The following SEMA3E variants were observed in gnomAD, a reference collection of about 807,000 sequenced individuals.
SEMA3E encodes the protein semaphorin 3E.
A neutral mutation model predicts 93.6 loss-of-function variants in SEMA3E; 49 were observed. The ratio of observed to expected loss-of-function variants is 0.52; its 90% CI spans 0.42 to 0.66. SEMA3E has a LOEUF of 0.66. Among genes scored for constraint, SEMA3E ranks in the 30% least tolerant of loss-of-function variants. The pLI is 0.00. For synonymous variants in SEMA3E, 363 were observed against 330.7 expected, an observed-to-expected ratio of 1.10 and a Z score of -1.06; for missense variants, 906 against 964.8, an observed-to-expected ratio of 0.94 and a Z score of 0.81.
In SEMA3E at chr7:83,495,029, T is replaced by C. The variant is rs375804144; in HGVS notation, c.116-4755A>G. Among the ~76,000 whole-genome samples the C allele has an allele frequency of 2.0e-5, 3 of 152,018 alleles. No individual in the cohort carries two copies. In the East Asian group the frequency reaches 5.8e-4, roughly 29 times the overall value. On this transcript the variant is annotated intron_variant, in intron 1 of 16. Coordinates refer to ENST00000643230, the MANE Select transcript of SEMA3E (RefSeq NM_012431.3). Reference sequence around the variant, plus strand: ...CAACATGAAGCATGTTTCAATTCCATAGCAAACTTAGCCAGTCTGTCTTTA... The same window carrying C: ...CAACATGAAGCATGTTTCAATTCCACAGCAAACTTAGCCAGTCTGTCTTTA...
chr7:83,399,431 C>G (rs60057405), intron 11 of SEMA3E, among the ~76,000 whole-genome samples: 18,353 of 152,150 alleles, frequency 0.12, 1,225 homozygotes, highest in Non-Finnish European at 0.15. Context: ...CTGCTTGGTA[C>G]AAATGGTTGA....
chr7:83,544,243 G>A (rs1423807145), intron 1 of SEMA3E, among the ~76,000 whole-genome samples: 6 of 151,734 alleles, frequency 4.0e-5, no homozygotes, highest in East Asian at 1.9e-4. Flanking sequence ...TCCTTACTTC[G>A]CCATTTATTT....
chr7:83,616,839 C>T (rs1462915110), intron 1 of SEMA3E: 3 of 363,832 alleles, frequency 8.2e-6, no homozygotes, highest in African/African-American at 6.7e-5. Context: ...ATTCTCCTGC[C>T]TCAGCCTCCT....
intron 1 of SEMA3E, among the ~76,000 whole-genome samples, chr7:83,563,042 T>C (rs1472432269): frequency 6.6e-6 from 1 of 152,162 alleles, no homozygotes; most frequent in African/African-American, 2.4e-5. Context: ...ATTTACTCAT[T>C]CACTTCATTG....
At chr7:83,395,868 A>T (rs1273807771) in intron 12 of SEMA3E, among the ~76,000 whole-genome samples, 1 of 152,176 alleles carries the variant, frequency 6.6e-6, no homozygotes, top group Admixed American at 6.6e-5. Context: ...AGGTGTCTTT[A>T]AACACAAACA....
rs535701167 is a variant in SEMA3E, at chr7:83,435,102, T to C, written c.457-16619A>G. On this transcript the variant is annotated intron_variant, in intron 4 of 16. Coordinates refer to ENST00000643230, the MANE Select transcript of SEMA3E (RefSeq NM_012431.3). ...AAGTGTCCTTTTAGTCCATATTGTG[T>C]CCATTTAACAAACTAAATGTTAGAC... 5.9e-5 allele frequency among the ~76,000 whole-genome samples: 9 copies of C among 152,344 alleles called. No individual in the cohort carries two copies. In the South Asian group the frequency reaches 1.7e-3, roughly 28 times the overall value.
intron 1 of SEMA3E, among the ~76,000 whole-genome samples, chr7:83,538,933 T>G: frequency 6.6e-6 from 1 of 152,226 alleles, no homozygotes; most frequent in East Asian, 1.9e-4. Flanking sequence ...TGTTGGAGAC[T>G]TAATTTCCTG....
intron 1 of SEMA3E, among the ~76,000 whole-genome samples, chr7:83,521,063 G>A (rs80258631): frequency 4.8e-4 from 2 of 4,132 alleles, no homozygotes; most frequent in Admixed American, 1.6e-3. Context: ...GTCCCTGTTC[G>A]AGAAGGACCT....
intron 1 of SEMA3E, among the ~76,000 whole-genome samples, chr7:83,585,424 A>T (rs2115925457): frequency 6.6e-6 from 1 of 152,308 alleles, no homozygotes; most frequent in Admixed American, 6.5e-5. Flanking sequence ...AAGCACAATT[A>T]TCTGATACTC....
At chr7:83,443,221 T>C (rs1789155519) in intron 4 of SEMA3E, among the ~76,000 whole-genome samples, 1 of 152,112 alleles carries the variant, frequency 6.6e-6, no homozygotes, top group Non-Finnish European at 1.5e-5. Flanking sequence ...TGACGGGGTA[T>C]TGGATTGAAG....
In SEMA3E at chr7:83,440,801, C is replaced by CAA. The variant is rs55851135; in HGVS notation, c.457-22320_457-22319dup. On this transcript the variant is annotated intron_variant, in intron 4 of 16. Transcript: ENST00000643230. ...TGAGTGACAGAGCAAGACTCCGTCT[C>CAA]AAAAAAAAAAAAAAAAAAGACAGAT... Among the ~76,000 whole-genome samples, 481 of 123,804 alleles carry CAA rather than the reference C, an allele frequency of 3.9e-3. 3 individuals carry two copies. Among genetic ancestry groups the CAA allele is most frequent in the African/African-American group, 0.014 (449 of 32,020 alleles). The allele number at this position is 123,804 out of a possible 152,430, so 81.2% of individuals were successfully genotyped here.
chr7:83,422,516 A>G (rs1449342008), intron 4 of SEMA3E, among the ~76,000 whole-genome samples: 1 of 152,210 alleles, frequency 6.6e-6, no homozygotes, highest in Non-Finnish European at 1.5e-5. Flanking sequence ...GTATATGAAT[A>G]TAATACTTGT....
chr7:83,448,903 T>C (rs904331183), intron 4 of SEMA3E, among the ~76,000 whole-genome samples: 28 of 152,262 alleles, frequency 1.8e-4, no homozygotes, highest in Admixed American at 1.1e-3. Context: ...TGACTTATTA[T>C]GGACACTGCC....
At chr7:83,548,517 T>C (rs140497699) in intron 1 of SEMA3E, among the ~76,000 whole-genome samples, 1 of 152,216 alleles carries the variant, frequency 6.6e-6, no homozygotes, top group Non-Finnish European at 1.5e-5. Flanking sequence ...GAGATTTTTT[T>C]CCCTCTCTAG....
Position 83,572,292 on chromosome 7 carries a change from A to T in SEMA3E, c.115+76136T>A, listed in dbSNP as rs548643921. 2.6e-5 allele frequency among the ~76,000 whole-genome samples: 4 copies of T among 152,306 alleles called. No individual in the cohort carries two copies. The East Asian group carries it at 7.7e-4, about 29-fold the overall frequency. ...AAGCAATCCAAAGCAAAAAGAAGAA[A>T]GCTGTAGGCATCACATTACCAGACT... On this transcript the variant is annotated intron_variant, in intron 1 of 16. Transcript: ENST00000643230.
intron 4 of SEMA3E, chr7:83,462,034 A>G (rs1375602942): frequency 6.6e-6 from 1 of 152,124 alleles, no homozygotes; most frequent in Non-Finnish European, 1.5e-5. Flanking sequence ...TGAAAATCGG[A>G]CTGTTCAACT....
chr7:83,618,394 GT>G (rs1338693526), intron 1 of SEMA3E, among the ~76,000 whole-genome samples: 1 of 151,944 alleles, frequency 6.6e-6, no homozygotes, highest in Non-Finnish European at 1.5e-5. Context: ...TGACAAGTAA[GT>G]TTTTTTATTT....
chr7:83,575,198 A>G (rs1292206350), intron 1 of SEMA3E, among the ~76,000 whole-genome samples: 11 of 151,892 alleles, frequency 7.2e-5, no homozygotes, highest in Admixed American at 6.6e-5. Flanking sequence ...TAAAAATAAC[A>G]GCACACTCCC....
chr7:83,527,096 T>A (rs1207604540), intron 1 of SEMA3E, among the ~76,000 whole-genome samples: 1 of 152,036 alleles, frequency 6.6e-6, no homozygotes, highest in African/African-American at 2.4e-5. Context: ...GGGAAGACCA[T>A]GTGACAGTGG....
Sources: gnomAD v4.1 joint callset for allele counts (sites outside exome capture counted in the v4.1 genomes callset) on GRCh38, gnomAD v4.1.1 for gene constraint, MANE v1.5 for transcripts, NCBI Gene and HGNC (gene_info 2026-07-23, HGNC 2026-07-21) for gene names.